The following TENM4 variants were observed in gnomAD, a reference collection of about 807,000 sequenced individuals.
TENM4 encodes teneurin-4.
In TENM4, 82 loss-of-function variants were observed where a neutral mutation model predicts 243.3. The ratio of observed to expected loss-of-function variants is 0.34; its 90% confidence interval spans 0.28 to 0.40. TENM4 has a LOEUF of 0.40. Ranked by LOEUF, TENM4 falls within the 10% of genes least tolerant of loss-of-function variation. The pLI is 1.00. For synonymous variants in TENM4, 1,412 were observed against 1,456.3 expected (o/e 0.97, Z 0.69); for missense variants, 3,138 against 3,673.3 (o/e 0.85, Z 3.77).
chr11:79,216,783 G>A (rs778632991), intron 2 of TENM4, among the ~76,000 whole-genome samples: 2 of 152,208 alleles, frequency 1.3e-5, no homozygotes, highest in Non-Finnish European at 2.9e-5. Context: ...CTCCAGAACT[G>A]TGAGCTAAAT....
chr11:79,000,752 C>T (rs900100140), intron 6 of TENM4, among the ~76,000 whole-genome samples: 9 of 152,248 alleles, frequency 5.9e-5, no homozygotes, highest in South Asian at 4.2e-4. Context: ...TAGGAAGGGC[C>T]GGGTGCAGCG....
chr11:78,897,175 T>C (rs1162620850), intron 7 of TENM4, among the ~76,000 whole-genome samples: 1 of 152,134 alleles, frequency 6.6e-6, no homozygotes, highest in African/African-American at 2.4e-5. Context: ...GCCTCCCTGA[T>C]TGGCAACATT....
chr11:78,745,045 G>T (rs1404837911), intron 19 of TENM4, among the ~76,000 whole-genome samples: 2 of 152,032 alleles, frequency 1.3e-5, no homozygotes, highest in African/African-American at 4.8e-5. Flanking sequence ...TACCTTGCAA[G>T]AAACCTTTAA....
chr11:78,821,503 C>T lies in TENM4; in HGVS notation c.1682-7108G>A, dbSNP rs371280493. Among the ~76,000 whole-genome samples the T allele has an allele frequency of 3.9e-5, 6 of 152,088 alleles. No individual in the cohort carries two copies. In the South Asian group the frequency reaches 6.2e-4, roughly 16 times the overall value. The stretch of plus-strand genomic sequence containing the variant: ...TGCCTCTATTTTTTTATTACAATGC[C>T]TAGAATAAACAGTGATACGAAGCTG... On this transcript the variant is annotated intron_variant, in intron 12 of 33. Transcript: ENST00000278550.
intron 2 of TENM4, among the ~76,000 whole-genome samples, chr11:79,237,778 A>G (rs1864507674): frequency 1.3e-5 from 2 of 152,220 alleles, no homozygotes; most frequent in African/African-American, 4.8e-5. Context: ...GCACGGCCAA[A>G]TAGAAATGTG....
chr11:78,926,913 T>C (rs1367108938), intron 6 of TENM4, among the ~76,000 whole-genome samples: 2 of 152,212 alleles, frequency 1.3e-5, no homozygotes, highest in African/African-American at 4.8e-5. Context: ...TTGCGTGATT[T>C]TCTAGGTTTG....
intron 12 of TENM4, among the ~76,000 whole-genome samples, chr11:78,824,503 C>CTTTTTT (rs35834549): frequency 2.2e-5 from 3 of 137,056 alleles, no homozygotes; most frequent in Non-Finnish European, 3.1e-5. Context: ...TTCTTTCTTT[C>CTTTTTT]TTTTTTTTTT....
intron 1 of TENM4, among the ~76,000 whole-genome samples, chr11:79,364,833 C>T (rs1406553542): frequency 6.6e-6 from 1 of 152,208 alleles, no homozygotes; most frequent in Non-Finnish European, 1.5e-5. Context: ...CTTTAAATAT[C>T]AGTCTTCATA....
At chr11:79,066,711 T>C (rs983625713) in intron 5 of TENM4, among the ~76,000 whole-genome samples, 23 of 131,312 alleles carry the variant, frequency 1.8e-4, no homozygotes, top group Non-Finnish European at 2.6e-4. Context: ...CACACACGCA[T>C]GCACACTCGA....
chr11:79,315,954 C>T (rs1016280719), intron 1 of TENM4, among the ~76,000 whole-genome samples: 1 of 151,954 alleles, frequency 6.6e-6, no homozygotes, highest in African/African-American at 2.4e-5. Flanking sequence ...GTTTAATGGC[C>T]GAAACTGCAG....
At chr11:79,267,286 CAT>C (rs1201153399) in intron 2 of TENM4, among the ~76,000 whole-genome samples, 1 of 152,204 alleles carries the variant, frequency 6.6e-6, no homozygotes, top group African/African-American at 2.4e-5. Context: ...TGTCAATCTC[CAT>C]ATGTCTACTC....
chr11:79,329,786 A>G (rs1410190185), intron 1 of TENM4, among the ~76,000 whole-genome samples: 1 of 152,222 alleles, frequency 6.6e-6, no homozygotes, highest in Non-Finnish European at 1.5e-5. Flanking sequence ...GGGCAGGTAG[A>G]GTAGGCTGTG....
At position 78,778,624 on chromosome 11, in the gene TENM4, G is replaced by A. The variant is rs766480591; in HGVS notation, c.2370C>T (p.His790=). 1.2e-6 allele frequency: 2 copies of A among 1,612,016 alleles called. No homozygotes were observed. Among genetic ancestry groups the A allele is most frequent in the Non-Finnish European group, 1.7e-6 (2 of 1,179,074 alleles). Residue 790 remains histidine, a synonymous_variant, in exon 17 of 34, where the codon CAC becomes CAT. Coordinates refer to ENST00000278550, the MANE Select transcript of TENM4 (RefSeq NM_001098816.3). ...TACCTTTAACTACCCTATCCAGATA[G>A]TGAGCTAGGGAGATAAAAGACAGGA... The part of the protein sequence containing the change: ...GWNGEHCTIA[H]YLDRVVKEGC...
At chr11:78,934,310 C>T (rs1159421670) in intron 6 of TENM4, among the ~76,000 whole-genome samples, 1 of 152,134 alleles carries the variant, frequency 6.6e-6, no homozygotes, top group Non-Finnish European at 1.5e-5. Flanking sequence ...GAAAAGGAAC[C>T]ATAAAACAAA....
intron 26 of TENM4, among the ~76,000 whole-genome samples, chr11:78,710,346 T>A (rs1242069037): frequency 3.9e-5 from 6 of 152,150 alleles, no homozygotes; most frequent in African/African-American, 1.4e-4. Context: ...GACCCACGTG[T>A]CTCTCACTGG....
intron 23 of TENM4, among the ~76,000 whole-genome samples, chr11:78,723,972 CTTTCTTTCTTTTCTT>C (rs1855457305): frequency 2.6e-5 from 4 of 152,110 alleles, no homozygotes; most frequent in East Asian, 1.9e-4. Flanking sequence ...TAATTAACTA[CTTTCTTTCTTTTCTT>C]TTTCTTTCTT....
chr11:78,921,309 C>CT (rs1462160568), intron 6 of TENM4, among the ~76,000 whole-genome samples: 7 of 152,232 alleles, frequency 4.6e-5, no homozygotes, highest in African/African-American at 1.7e-4. Context: ...ATATCCCAAG[C>CT]TGAGGTCTGG....
chr11:79,015,365 G>A (rs918310160), intron 6 of TENM4, among the ~76,000 whole-genome samples: 6 of 152,174 alleles, frequency 3.9e-5, no homozygotes, highest in African/African-American at 1.2e-4. Flanking sequence ...ATGCTCTACT[G>A]CCTCCTTAGG....
At chr11:79,428,643 C>G (rs904876416) in intron 1 of TENM4, among the ~76,000 whole-genome samples, 2 of 152,188 alleles carry the variant, frequency 1.3e-5, no homozygotes, top group African/African-American at 2.4e-5. Flanking sequence ...TCCCAGCACT[C>G]AGAAGGCAGC....
Sources: allele counts gnomAD v4.1 joint callset (sites outside exome capture counted in the v4.1 genomes callset), GRCh38; gene constraint gnomAD v4.1.1; transcripts MANE v1.5; gene names NCBI Gene and HGNC (gene_info 2026-07-23, HGNC 2026-07-21).